MOCOS: variants seen among roughly 807,000 people sequenced by gnomAD.
The protein encoded by MOCOS is molybdenum cofactor sulfurase, also known as human molybdenum cofactor sulfurase.
A neutral mutation model predicts 83.6 loss-of-function variants in MOCOS; 86 were observed. The observed-to-expected ratio is 1.03, with a 90% CI of 0.86 to 1.23. The LOEUF is 1.23. MOCOS is among the 50% of genes most tolerant of loss of function. The pLI, the probability that MOCOS is intolerant of heterozygous loss-of-function variation, is 0.00. For synonymous variants in MOCOS, 445 were observed against 434.7 expected (o/e 1.02, Z -0.29); for missense variants, 1,120 against 1,126.9 (o/e 0.99, Z 0.09).
In MOCOS at chr18:36,268,581, C is replaced by T. The variant is rs1337302719; in HGVS notation, c.2563C>T (p.Pro855Ser). 3 of 1,614,070 alleles carry T rather than the reference C, an allele frequency of 1.9e-6. No individual in the cohort carries two copies. Among genetic ancestry groups the T allele is most frequent in the Non-Finnish European group, 1.7e-6 (2 of 1,180,018 alleles). The stretch of plus-strand genomic sequence containing the variant: ...GCATGCATCATTGGATTTATCCTCC[C>T]CATGTTTCCTGTCTGTAGGATCTCA... ...LMHASLDLSS[P>S]CFLSVGSQVL... is the part of the protein sequence containing the mutation. The change falls in exon 15 of 15, where the codon CCA becomes TCA. Residue 855 changes from proline to serine, a missense_variant. Physicochemically the swap from Pro to Ser is moderately conservative, Grantham distance 74 (BLOSUM62 -1). Coordinates refer to ENST00000261326, the MANE Select transcript of MOCOS (RefSeq NM_017947.4).
intron 7 of MOCOS, among the ~76,000 whole-genome samples, chr18:36,214,135 G>A (rs1016277351): frequency 6.6e-6 from 1 of 151,340 alleles, no homozygotes; most frequent in African/African-American, 2.4e-5. Context: ...TAGCTAGTCA[G>A]GAGGCTGAGG....
chr18:36,205,072 T>C lies in MOCOS; in HGVS notation c.1019-5T>C. ...GATTCTCTTGTGTTTCATGATTGAT[T>C]TGAGGTGGAATGGAGAATATAAAGC... is the stretch of plus-strand genomic sequence containing the variant. On this transcript the variant is annotated splice_polypyrimidine_tract_variant and splice_region_variant and intron_variant, in intron 5 of 14. Transcript: ENST00000261326. 6.2e-7 allele frequency: 1 copy of C among 1,608,788 alleles called. No individual in the cohort carries two copies. The highest frequency in any genetic ancestry group is 2.2e-5 in the East Asian group (1 of 44,836).
At chr18:36,214,937 C>T (rs1434725920) in intron 7 of MOCOS, among the ~76,000 whole-genome samples, 2 of 152,192 alleles carry the variant, frequency 1.3e-5, no homozygotes, top group Non-Finnish European at 2.9e-5. Flanking sequence ...CAGCCGGGCT[C>T]GGAGACTGAG....
At chr18:36,221,884 A>C (rs12962730) in intron 9 of MOCOS, among the ~76,000 whole-genome samples, 65,342 of 151,640 alleles carry the variant, frequency 0.43, 14,466 homozygotes, top group South Asian at 0.55. Flanking sequence ...CAGCACCATG[A>C]CTGGCTGATT....
rs752366978 is a variant in MOCOS at position 36,200,299 on chromosome 18, A to T, written c.916A>T (p.Ile306Phe). ...SAYLAGEDFY[I>F]PRQSVAQRFE... Reference sequence around the variant, plus strand: ...GTACCTAGCAGGAGAAGACTTCTACATCCCGAGGCAGTCGGTAGCTCAGAG... The same window carrying T: ...GTACCTAGCAGGAGAAGACTTCTACTTCCCGAGGCAGTCGGTAGCTCAGAG... The change falls in exon 4 of 15, where the codon ATC becomes TTC. Residue 306 changes from isoleucine to phenylalanine, a missense_variant. Transcript: ENST00000261326. 6.2e-7 allele frequency: 1 copy of T among 1,613,944 alleles called. No individual in the cohort carries two copies. Among genetic ancestry groups the T allele is most frequent in the East Asian group, 2.2e-5 (1 of 44,896 alleles).
chr18:36,259,654 T>C (rs1421331899), intron 12 of MOCOS, among the ~76,000 whole-genome samples: 1 of 152,068 alleles, frequency 6.6e-6, no homozygotes, highest in Non-Finnish European at 1.5e-5. Flanking sequence ...ATTAAGCCTG[T>C]TGACAGGTTT....
Position 36,205,270 on chromosome 18 carries a change from C to A in MOCOS, c.1212C>A (p.Tyr404Ter). 6.2e-7 allele frequency: 1 copy of A among 1,613,500 alleles called. No individual in the cohort carries two copies. The highest frequency in any genetic ancestry group is 8.5e-7 in the Non-Finnish European group (1 of 1,179,854). Reference protein sequence around the residue: ...VLDDKGNIIGYSQVDKMASLY... With the variant: ...VLDDKGNIIG ...ATGACAAAGGGAACATCATTGGTTA[C>A]TCCCAGGTGGGTTTTCTTTCCATCC... Residue 404 changes from tyrosine to a stop codon, truncating the protein, a stop_gained, in exon 6 of 15, where the codon TAC becomes TAA. Coordinates refer to ENST00000261326, the MANE Select transcript of MOCOS (RefSeq NM_017947.4). LOFTEE classifies it high-confidence loss of function.
intron 2 of MOCOS, among the ~76,000 whole-genome samples, chr18:36,197,109 C>T (rs539355453): frequency 4.6e-5 from 7 of 152,214 alleles, no homozygotes; most frequent in African/African-American, 1.7e-4. Context: ...GGAGGAGGGC[C>T]TTCCTCCTTG....
chr18:36,206,492 C>T (rs113821168), intron 6 of MOCOS, among the ~76,000 whole-genome samples: 1,698 of 151,196 alleles, frequency 0.011, 7 homozygotes, highest in Non-Finnish European at 0.012. Context: ...GTGATCTGCC[C>T]GCCTCAGCCT....
intron 13 of MOCOS, among the ~76,000 whole-genome samples, chr18:36,260,426 G>A (rs536731290): frequency 6.6e-6 from 1 of 152,308 alleles, no homozygotes; most frequent in South Asian, 2.1e-4. Flanking sequence ...GCTCGACACT[G>A]CCTCTGTGCT....
chr18:36,253,664 CAAA>C (rs56823164), intron 11 of MOCOS, among the ~76,000 whole-genome samples: 6 of 124,066 alleles, frequency 4.8e-5, no homozygotes, highest in Non-Finnish European at 5.2e-5. Context: ...GACTCTGTCT[CAAA>C]AAAAAAAAAA....
intron 11 of MOCOS, among the ~76,000 whole-genome samples, chr18:36,256,636 G>T (rs1300248142): frequency 1.3e-5 from 2 of 151,930 alleles, no homozygotes; most frequent in Non-Finnish European, 2.9e-5. Context: ...TTTTGGTAGA[G>T]ACAGGGTTTC....
chr18:36,215,391 T>G, intron 7 of MOCOS, 125 bp from the exon 8 acceptor site: 2 of 884,140 alleles, frequency 2.3e-6, no homozygotes, highest in Non-Finnish European at 3.6e-6. Context: ...ACAGCACATA[T>G]TAATGTTGCA....
At chr18:36,215,479 G>A (rs1675876759) in intron 7 of MOCOS, 37 bp from the exon 8 acceptor site, 12 of 1,585,826 alleles carry the variant, frequency 7.6e-6, no homozygotes, top group Non-Finnish European at 1.0e-5. Flanking sequence ...TATGAGAAAG[G>A]GGTCACTCTG....
In MOCOS at chr18:36,200,146, G is replaced by A; in HGVS notation, c.763G>A (p.Ala255Thr). Reference protein sequence around the residue: ...TSPLDLSAHQADFVPISFYKI... With the variant: ...TSPLDLSAHQTDFVPISFYKI... ...GCCTTTGGACCTGTCAGCTCACCAG[G>A]CCGACTTTGTCCCCATCTCCTTCTA... is the stretch of plus-strand genomic sequence containing the variant. Residue 255 changes from alanine to threonine, a missense_variant, in exon 4 of 15, where the codon GCC becomes ACC. Physicochemically the swap from Ala to Thr is moderately conservative, Grantham distance 58 (BLOSUM62 0). Coordinates refer to ENST00000261326, the MANE Select transcript of MOCOS (RefSeq NM_017947.4). 6.2e-7 allele frequency: 1 copy of A among 1,614,192 alleles called. No individual in the cohort carries two copies. Among genetic ancestry groups the A allele is most frequent in the Non-Finnish European group, 8.5e-7 (1 of 1,180,030 alleles).
At chr18:36,241,994 T>TA (rs1288440086) in intron 9 of MOCOS, among the ~76,000 whole-genome samples, 4 of 152,220 alleles carry the variant, frequency 2.6e-5, no homozygotes. Flanking sequence ...TTTTTCCTCC[T>TA]AGGCCTCCGG....
At chr18:36,189,345 A>G (rs916643108) in intron 1 of MOCOS, among the ~76,000 whole-genome samples, 7 of 152,142 alleles carry the variant, frequency 4.6e-5, no homozygotes, top group African/African-American at 1.4e-4. Flanking sequence ...TATTTCCTCT[A>G]CATTACGGTT....
chr18:36,251,092 G>T, intron 10 of MOCOS, 67 bp from the exon 11 acceptor site: 1 of 1,542,100 alleles, frequency 6.5e-7, no homozygotes, highest in Non-Finnish European at 8.9e-7. Context: ...CAAACTTTTT[G>T]CAATTCAGAT....
Position 36,269,117 on chromosome 18 carries a change from T to C in MOCOS, c.*432T>C, listed in dbSNP as rs983106407. ...GAAGGGAGTCTATGCCCAGTGATCC[T>C]GGGTATGAGAAGGTGCTCCTCTCCT... is the stretch of plus-strand genomic sequence containing the variant. On this transcript the variant is annotated 3_prime_UTR_variant, in exon 15 of 15. Coordinates refer to ENST00000261326, the MANE Select transcript of MOCOS (RefSeq NM_017947.4). 4.9e-6 allele frequency: 1 copy of C among 203,854 alleles called. No homozygotes were observed. The highest frequency in any genetic ancestry group is 1.0e-5 in the Non-Finnish European group (1 of 99,602). 12.6% of individuals were successfully genotyped at this position (203,854 alleles called of 1,614,324 possible).
Sources: allele counts gnomAD v4.1 joint callset (sites outside exome capture counted in the v4.1 genomes callset), GRCh38; gene constraint gnomAD v4.1.1; transcripts MANE v1.5; gene names NCBI Gene and HGNC (gene_info 2026-07-23, HGNC 2026-07-21).